Variants in AP2B1 observed in about 807,000 individuals in gnomAD.
AP2B1 encodes adaptor related protein complex 2 subunit beta 1.
Under a neutral mutation model 102.0 loss-of-function variants are expected in AP2B1, and 23 were observed. That is an observed-to-expected ratio of 0.23 (90% CI 0.16 to 0.32). The LOEUF (loss-of-function observed/expected upper bound fraction) is 0.32, where lower values mean the gene tolerates loss of function less well. Ranked by LOEUF, AP2B1 falls within the 10% of genes least tolerant of loss-of-function variation. The pLI, the probability that AP2B1 is intolerant of heterozygous loss-of-function variation, is 1.00. For missense variants in AP2B1, 541 were observed against 1,157.4 expected, an observed-to-expected ratio of 0.47 and a Z score of 7.73; for synonymous variants, 381 against 421.2, an observed-to-expected ratio of 0.90 and a Z score of 1.17.
At chr17:35,703,923 T>C (rs902746514) in intron 18 of AP2B1, among the ~76,000 whole-genome samples, 1 of 152,326 alleles carries the variant, frequency 6.6e-6, no homozygotes, top group East Asian at 1.9e-4. Context: ...TGATCATTGA[T>C]TTCCCTCAAG....
chr17:35,598,207 C>T (rs2073357648), intron 2 of AP2B1, 23 bp from the exon 3 acceptor site: 2 of 1,512,852 alleles, frequency 1.3e-6, no homozygotes, highest in African/African-American at 1.4e-5. Context: ...GGAACCTTAC[C>T]AGTTTGCTCT....
At chr17:35,651,521 T>C (rs185807688) in intron 13 of AP2B1, among the ~76,000 whole-genome samples, 334 of 152,328 alleles carry the variant, frequency 2.2e-3, no homozygotes, top group African/African-American at 7.5e-3. Context: ...TAGACCTTGA[T>C]TGAAGTAGGA....
chr17:35,670,941 CT>C (rs2075574542), intron 15 of AP2B1, 43 bp downstream of exon 15: 1 of 1,599,178 alleles, frequency 6.3e-7, no homozygotes, highest in Non-Finnish European at 8.6e-7. Context: ...GCACTGCCCC[CT>C]GTTTGATGCC....
At chr17:35,702,280 A>G (rs889181259) in intron 18 of AP2B1, among the ~76,000 whole-genome samples, 17 of 152,360 alleles carry the variant, frequency 1.1e-4, no homozygotes, top group Middle Eastern at 3.4e-3. Context: ...TATGTTGGTC[A>G]TGGAAGACCT....
At chr17:35,637,994 T>C (rs2074659133) in intron 10 of AP2B1, among the ~76,000 whole-genome samples, 1 of 151,848 alleles carries the variant, frequency 6.6e-6, no homozygotes, top group South Asian at 2.1e-4. Context: ...CCTAAACTTT[T>C]TTTAATTAAC....
intron 5 of AP2B1, among the ~76,000 whole-genome samples, chr17:35,623,637 A>G (rs1051914694): frequency 3.9e-5 from 6 of 152,200 alleles, no homozygotes; most frequent in Admixed American, 6.5e-5. Context: ...AATGCTTCCT[A>G]TTGAACTGAC....
At chr17:35,715,232 C>T (rs2076529656) in intron 20 of AP2B1, among the ~76,000 whole-genome samples, 1 of 152,224 alleles carries the variant, frequency 6.6e-6, no homozygotes, top group African/African-American at 2.4e-5. Context: ...ATTAAAGTTA[C>T]ATCCATTCAA....
chr17:35,637,036 C>G (rs1204687207), intron 10 of AP2B1, among the ~76,000 whole-genome samples: 1 of 152,144 alleles, frequency 6.6e-6, no homozygotes, highest in Non-Finnish European at 1.5e-5. Context: ...TTTTACTTCA[C>G]AAGTTTTTCA....
chr17:35,692,109 C>T (rs2076053623), intron 18 of AP2B1, among the ~76,000 whole-genome samples: 1 of 152,168 alleles, frequency 6.6e-6, no homozygotes. Flanking sequence ...TGAATGGCCA[C>T]ACATAAGCAA....
chr17:35,672,373 T>TTCTTG (rs1410536273), intron 16 of AP2B1, among the ~76,000 whole-genome samples: 3 of 152,352 alleles, frequency 2.0e-5, no homozygotes, highest in African/African-American at 2.4e-5. Flanking sequence ...ACTGGGGCTC[T>TTCTTG]TCTTGTCTTG....
At chr17:35,675,475 A>G (rs985910712) in intron 17 of AP2B1, among the ~76,000 whole-genome samples, 1 of 152,254 alleles carries the variant, frequency 6.6e-6, no homozygotes, top group Non-Finnish European at 1.5e-5. Context: ...TGTCAAGACT[A>G]CCAATGTTTC....
At chr17:35,649,913 G>A (rs961088235) in intron 12 of AP2B1, among the ~76,000 whole-genome samples, 6 of 150,894 alleles carry the variant, frequency 4.0e-5, no homozygotes, top group African/African-American at 7.3e-5. Context: ...AGGTACATGC[G>A]GCTCTACACC....
At chr17:35,675,361 T>C (rs1258803689) in intron 17 of AP2B1, among the ~76,000 whole-genome samples, 2 of 152,238 alleles carry the variant, frequency 1.3e-5, no homozygotes, top group South Asian at 2.1e-4. Context: ...CATAAGTGAC[T>C]GTCTGATTTA....
At chr17:35,638,631 A>T (rs554469007) in intron 10 of AP2B1, among the ~76,000 whole-genome samples, 1 of 152,054 alleles carries the variant, frequency 6.6e-6, no homozygotes, top group South Asian at 2.1e-4. Flanking sequence ...TACTAAAAAT[A>T]TAAAAAAATT....
intron 1 of AP2B1, among the ~76,000 whole-genome samples, chr17:35,592,768 C>T (rs1383260951): frequency 6.6e-6 from 1 of 152,114 alleles, no homozygotes; most frequent in Admixed American, 6.6e-5. Flanking sequence ...GTCTTGAACT[C>T]CTGACCTCAA....
At chr17:35,644,644 C>G (rs891716999) in intron 12 of AP2B1, among the ~76,000 whole-genome samples, 1 of 151,844 alleles carries the variant, frequency 6.6e-6, no homozygotes, top group African/African-American at 2.4e-5. Flanking sequence ...CTTGGTCTCC[C>G]AAAGCACTGG....
intron 17 of AP2B1, among the ~76,000 whole-genome samples, chr17:35,680,432 C>A (rs1188846357): frequency 7.9e-5 from 12 of 152,100 alleles, no homozygotes; most frequent in Admixed American, 7.2e-4. Context: ...AGGCTCACTG[C>A]AGCCTCAACC....
intron 11 of AP2B1, among the ~76,000 whole-genome samples, chr17:35,640,599 A>C (rs1159448568): frequency 6.6e-6 from 1 of 152,210 alleles, no homozygotes; most frequent in East Asian, 1.9e-4. Flanking sequence ...CTCAAACTTC[A>C]GTGAGCATTA....
chr17:35,662,246 ATTCTT>A (rs2075372481), intron 14 of AP2B1, among the ~76,000 whole-genome samples: 1 of 152,182 alleles, frequency 6.6e-6, no homozygotes, highest in African/African-American at 2.4e-5. Context: ...ATTTCTACCT[ATTCTT>A]TTTAGTCTCC....
Sources: gnomAD v4.1 joint callset for allele counts (sites outside exome capture counted in the v4.1 genomes callset) on GRCh38, gnomAD v4.1.1 for gene constraint, MANE v1.5 for transcripts, NCBI Gene and HGNC (gene_info 2026-07-23, HGNC 2026-07-21) for gene names.